The following CFAP299 variants were observed in gnomAD, a reference collection of about 807,000 sequenced individuals.
CFAP299 encodes cilia and flagella associated protein 299.
A neutral mutation model predicts 27.0 loss-of-function variants in CFAP299; 21 were observed. That is an observed-to-expected ratio of 0.78 (90% CI 0.55 to 1.12). The LOEUF is 1.12. Among genes scored for constraint, CFAP299 ranks in the 50% most tolerant of loss-of-function variants. The pLI, the probability that CFAP299 is intolerant of heterozygous loss-of-function variation, is 0.00. For synonymous variants in CFAP299, 104 were observed against 98.1 expected (o/e 1.06, Z -0.36); for missense variants, 310 against 276.6 (o/e 1.12, Z -0.86).
At chr4:80,758,161 G>C (rs1018051199) in intron 3 of CFAP299, among the ~76,000 whole-genome samples, 3 of 152,190 alleles carry the variant, frequency 2.0e-5, no homozygotes. Context: ...CCAGCATCCA[G>C]GAGGAATGAG....
chr4:80,857,525 T>C (rs1168463665), intron 3 of CFAP299, among the ~76,000 whole-genome samples: 1 of 152,236 alleles, frequency 6.6e-6, no homozygotes, highest in Non-Finnish European at 1.5e-5. Flanking sequence ...CCATTCAGTA[T>C]GATATTGGCT....
At chr4:80,914,723 G>A (rs1269002928) in intron 4 of CFAP299, among the ~76,000 whole-genome samples, 1 of 152,142 alleles carries the variant, frequency 6.6e-6, no homozygotes, top group Non-Finnish European at 1.5e-5. Context: ...TATCTTTCAA[G>A]AAAATCATCC....
chr4:80,693,046 A>T (rs1024983211), intron 3 of CFAP299, among the ~76,000 whole-genome samples: 3 of 152,272 alleles, frequency 2.0e-5, no homozygotes, highest in Non-Finnish European at 4.4e-5. Context: ...GTCAGGAAAC[A>T]ACAGGTGCTG....
At chr4:80,841,543 A>C (rs1730862644) in intron 3 of CFAP299, among the ~76,000 whole-genome samples, 1 of 152,122 alleles carries the variant, frequency 6.6e-6, no homozygotes, top group Admixed American at 6.6e-5. Flanking sequence ...CCAAATAAAT[A>C]ATTTAAAAAT....
chr4:80,561,965 T>A (rs1735055489), intron 2 of CFAP299, among the ~76,000 whole-genome samples: 1 of 152,064 alleles, frequency 6.6e-6, no homozygotes, highest in African/African-American at 2.4e-5. Context: ...ATGGACAATG[T>A]GGTAAGATAT....
At chr4:80,412,516 G>A (rs1337544662) in intron 2 of CFAP299, among the ~76,000 whole-genome samples, 2 of 152,136 alleles carry the variant, frequency 1.3e-5, no homozygotes, top group Non-Finnish European at 2.9e-5. Flanking sequence ...GTAGCACAGA[G>A]GAGCAAGTGA....
At chr4:80,562,910 C>CA (rs1194127352) in intron 2 of CFAP299, among the ~76,000 whole-genome samples, 15 of 151,332 alleles carry the variant, frequency 9.9e-5, no homozygotes, top group South Asian at 2.1e-4. Context: ...TTATATCAGA[C>CA]AAAAAAATGT....
intron 2 of CFAP299, chr4:80,388,441 G>T (rs1725142818): frequency 3.5e-6 from 3 of 866,462 alleles, no homozygotes; most frequent in African/African-American, 1.7e-5. Context: ...TTGTGTAGAT[G>T]CTGTTGGTGA....
intron 3 of CFAP299, among the ~76,000 whole-genome samples, chr4:80,611,449 G>A (rs960250141): frequency 8.6e-5 from 13 of 151,928 alleles, no homozygotes; most frequent in African/African-American, 2.2e-4. Context: ...AATCTACAAC[G>A]GCAATCTAAA....
chr4:80,712,355 A>G (rs932718848), intron 3 of CFAP299, among the ~76,000 whole-genome samples: 4 of 152,320 alleles, frequency 2.6e-5, no homozygotes, highest in South Asian at 4.1e-4. Flanking sequence ...GATTAGCTTC[A>G]TTTTACCTCA....
intron 3 of CFAP299, among the ~76,000 whole-genome samples, chr4:80,601,596 A>AT (rs772934687): frequency 6.3e-4 from 96 of 152,200 alleles, no homozygotes; most frequent in Non-Finnish European, 1.0e-3. Flanking sequence ...CCATTGTTGT[A>AT]TTTTTTCCCC....
At chr4:80,532,055 C>T (rs1733505984) in intron 2 of CFAP299, among the ~76,000 whole-genome samples, 3 of 152,094 alleles carry the variant, frequency 2.0e-5, no homozygotes, top group Admixed American at 1.3e-4. Context: ...TCCGCCCGGC[C>T]TAAGACAGAA....
chr4:80,807,948 A>C (rs1488417982), intron 3 of CFAP299, among the ~76,000 whole-genome samples: 1 of 152,040 alleles, frequency 6.6e-6, no homozygotes, highest in African/African-American at 2.4e-5. Flanking sequence ...GTAACTCTAC[A>C]TGCAGTTGCT....
intron 3 of CFAP299, among the ~76,000 whole-genome samples, chr4:80,775,390 C>T (rs1726476767): frequency 6.6e-6 from 1 of 151,972 alleles, no homozygotes; most frequent in Non-Finnish European, 1.5e-5. Context: ...GCATGAATTA[C>T]TTTCACATAA....
intron 2 of CFAP299, among the ~76,000 whole-genome samples, chr4:80,525,375 C>T (rs1174306141): frequency 6.6e-6 from 1 of 152,132 alleles, no homozygotes; most frequent in Non-Finnish European, 1.5e-5. Context: ...TATCCATCAG[C>T]TTCTGTCTGT....
At chr4:80,862,263 G>A (rs1307559286) in intron 3 of CFAP299, among the ~76,000 whole-genome samples, 8 of 152,016 alleles carry the variant, frequency 5.3e-5, no homozygotes, top group East Asian at 1.9e-4. Context: ...CCAGCTACTC[G>A]GTAGGCTGAG....
In CFAP299 at chr4:80,925,487, T is replaced by C. The variant is rs150376801; in HGVS notation, c.477-19323T>C. Among the ~76,000 whole-genome samples the C allele has an allele frequency of 3.2e-3, 490 of 152,036 alleles. 4 individuals are homozygous for C. The highest frequency in any genetic ancestry group is 0.011 in the African/African-American group (457 of 41,516). On this transcript the variant is annotated intron_variant, in intron 4 of 5. Transcript: ENST00000358105. The stretch of plus-strand genomic sequence containing the variant: ...CAAAAAAAGATTGCTGAGTATATGA[T>C]GTGGTTGAAAGACTGTCAGGAAACT...
intron 3 of CFAP299, among the ~76,000 whole-genome samples, chr4:80,856,620 A>G (rs1225566922): frequency 1.3e-5 from 2 of 152,076 alleles, no homozygotes; most frequent in Non-Finnish European, 2.9e-5. Context: ...CTTTCTACAT[A>G]TGGCTAGCCA....
At chr4:80,573,943 G>A (rs551195738) in intron 2 of CFAP299, among the ~76,000 whole-genome samples, 6 of 152,056 alleles carry the variant, frequency 3.9e-5, no homozygotes, top group African/African-American at 1.4e-4. Flanking sequence ...GCTATTCTGG[G>A]TCTTTTGTGG....
Sources: allele counts gnomAD v4.1 joint callset (sites outside exome capture counted in the v4.1 genomes callset), GRCh38; gene constraint gnomAD v4.1.1; transcripts MANE v1.5; gene names NCBI Gene and HGNC (gene_info 2026-07-23, HGNC 2026-07-21).